The following DOCK3 variants were observed in gnomAD, a reference collection of about 807,000 sequenced individuals.
The protein encoded by DOCK3 is dedicator of cytokinesis 3.
A neutral mutation model predicts 265.6 loss-of-function variants in DOCK3; 60 were observed. The observed-to-expected ratio is 0.23, with a 90% CI of 0.18 to 0.28. The LOEUF is 0.28. Ranked by LOEUF, DOCK3 falls within the 10% of genes least tolerant of loss-of-function variation. DOCK3 has a pLI of 1.00. For missense variants in DOCK3, 1,981 were observed against 2,594.3 expected (o/e 0.76, Z 5.14); for synonymous variants, 881 against 938.0 (o/e 0.94, Z 1.11).
At chr3:50,900,606 G>T (rs866140379) in intron 4 of DOCK3, 1 of 395,428 alleles carries the variant, frequency 2.5e-6, no homozygotes, top group Non-Finnish European at 4.9e-6. Context: ...CCTCATCTTC[G>T]TGGATTTATC....
intron 51 of DOCK3, among the ~76,000 whole-genome samples, chr3:51,378,420 T>G (rs1411421302): frequency 6.6e-6 from 1 of 152,196 alleles, no homozygotes. Context: ...GCTCCTTCCC[T>G]TCCAAAGCCT....
chr3:51,380,768 T>A (rs1273728056), intron 52 of DOCK3, among the ~76,000 whole-genome samples: 2 of 152,124 alleles, frequency 1.3e-5, no homozygotes, highest in African/African-American at 2.4e-5. Flanking sequence ...TATGTCAGTA[T>A]CCCAGAGCCA....
At chr3:51,026,549 TA>T (rs2079832275) in intron 5 of DOCK3, among the ~76,000 whole-genome samples, 1 of 152,010 alleles carries the variant, frequency 6.6e-6, no homozygotes, top group African/African-American at 2.4e-5. Context: ...GTAGTTTCAG[TA>T]TGATTGGTAC....
At position 50,675,151 on chromosome 3, in the gene DOCK3, C is replaced by A. The variant is rs868757328; in HGVS notation, c.-113C>A. Reference sequence around the variant, plus strand: ...GAGGGATGCGCCGCCCACTGCCCCGCGCCGCCTGACCGTCCCCGCCTCGAC... The same window carrying A: ...GAGGGATGCGCCGCCCACTGCCCCGAGCCGCCTGACCGTCCCCGCCTCGAC... On this transcript the variant is annotated 5_prime_UTR_variant, in exon 1 of 53. Coordinates refer to ENST00000266037, the MANE Select transcript of DOCK3 (RefSeq NM_004947.5). The surrounding 1 kb of genome is among the most constrained non-coding windows in gnomAD (Gnocchi z 6.1). The A allele has an allele frequency of 7.8e-5, 60 of 769,024 alleles. No homozygotes were observed. The African/African-American group carries it at 1.0e-3, about 13-fold the overall frequency. The allele number at this position is 769,024 out of a possible 1,614,324, so 47.6% of individuals were successfully genotyped here.
At chr3:50,776,405 A>C (rs200512487) in intron 1 of DOCK3, among the ~76,000 whole-genome samples, 1 of 150,414 alleles carries the variant, frequency 6.6e-6, no homozygotes, top group African/African-American at 2.4e-5. Context: ...TTGCCTATTC[A>C]TGTCCTTTTT....
intron 1 of DOCK3, among the ~76,000 whole-genome samples, chr3:50,752,651 A>G (rs1265056361): frequency 6.6e-6 from 1 of 151,572 alleles, no homozygotes; most frequent in African/African-American, 2.4e-5. Flanking sequence ...TGGTGCACAC[A>G]CCTGTAATCC....
chr3:51,232,118 T>A (rs1262175084), intron 19 of DOCK3, among the ~76,000 whole-genome samples: 1 of 152,206 alleles, frequency 6.6e-6, no homozygotes, highest in Non-Finnish European at 1.5e-5. Context: ...TTTTGCCAAT[T>A]GTTACACTCT....
chr3:51,237,390 A>C lies in DOCK3; in HGVS notation c.2002-100A>C, dbSNP rs572097944. ...TGGGGAATGCTAGAGGACAGCACTG[A>C]CAATTTGCCATTATTTGGAGAAGGA... On this transcript the variant is annotated intron_variant, in intron 20 of 52. Transcript: ENST00000266037. The C allele has an allele frequency of 2.8e-4, 261 of 948,956 alleles. 2 individuals carry two copies. The South Asian group carries it at 3.7e-3, about 14-fold the overall frequency. The allele number at this position is 948,956 out of a possible 1,614,324, so 58.8% of individuals were successfully genotyped here.
intron 5 of DOCK3, among the ~76,000 whole-genome samples, chr3:50,950,944 A>G (rs1339565200): frequency 6.6e-6 from 1 of 151,640 alleles, no homozygotes; most frequent in Non-Finnish European, 1.5e-5. Flanking sequence ...CCAATCTCCA[A>G]AAGAACGGAG....
intron 8 of DOCK3, 35 bp downstream of exon 8, chr3:51,089,319 C>T: frequency 6.3e-7 from 1 of 1,596,362 alleles, no homozygotes; most frequent in South Asian, 1.1e-5. Context: ...AGCCTTTCCC[C>T]TCAACTTTTT....
At chr3:51,355,487 G>A (rs1224425169) in intron 41 of DOCK3, among the ~76,000 whole-genome samples, 1 of 152,172 alleles carries the variant, frequency 6.6e-6, no homozygotes, top group Non-Finnish European at 1.5e-5. Context: ...AAGGATGTGT[G>A]GAGCAGGAGA....
At chr3:50,811,551 T>G (rs2043758211) in intron 2 of DOCK3, among the ~76,000 whole-genome samples, 1 of 152,234 alleles carries the variant, frequency 6.6e-6, no homozygotes. Flanking sequence ...ATGTCTCACA[T>G]ATTCAGATAT....
At chr3:50,963,629 C>T (rs1231643780) in intron 5 of DOCK3, among the ~76,000 whole-genome samples, 1 of 152,176 alleles carries the variant, frequency 6.6e-6, no homozygotes, top group Non-Finnish European at 1.5e-5. Context: ...AGCAACATCA[C>T]AGATAAAATA....
intron 27 of DOCK3, among the ~76,000 whole-genome samples, chr3:51,296,625 C>T (rs538307129): frequency 6.6e-5 from 10 of 151,896 alleles, no homozygotes; most frequent in East Asian, 2.0e-4. Context: ...TACAGGTGCC[C>T]GCCACCATGC....
At chr3:50,752,441 G>A (rs1316400479) in intron 1 of DOCK3, among the ~76,000 whole-genome samples, 3 of 151,546 alleles carry the variant, frequency 2.0e-5, no homozygotes, top group East Asian at 1.9e-4. Flanking sequence ...TCCGGGAGGC[G>A]GAGGTTAGAG....
intron 1 of DOCK3, among the ~76,000 whole-genome samples, chr3:50,720,591 C>T (rs763761170): frequency 5.9e-5 from 9 of 152,182 alleles, no homozygotes; most frequent in African/African-American, 1.7e-4. Context: ...AATAGTGCTG[C>T]GAAGAACATA....
At chr3:51,303,769 A>T (rs1203450139) in intron 27 of DOCK3, among the ~76,000 whole-genome samples, 1 of 152,160 alleles carries the variant, frequency 6.6e-6, no homozygotes, top group East Asian at 1.9e-4. Context: ...AGAACAGCAA[A>T]GATAGCTGCC....
intron 5 of DOCK3, among the ~76,000 whole-genome samples, chr3:51,029,317 C>T (rs1463641771): frequency 1.3e-5 from 2 of 152,146 alleles, no homozygotes; most frequent in East Asian, 3.8e-4. Flanking sequence ...AGCAGGTAGG[C>T]TTTTACTTAG....
intron 5 of DOCK3, among the ~76,000 whole-genome samples, chr3:50,969,291 C>T (rs934661643): frequency 2.6e-5 from 4 of 152,058 alleles, no homozygotes; most frequent in Non-Finnish European, 4.4e-5. Context: ...ATAAATATAG[C>T]CACTTCTGCT....
Sources: gnomAD v4.1 joint callset for allele counts (sites outside exome capture counted in the v4.1 genomes callset) on GRCh38, gnomAD v4.1.1 for gene constraint, Gnocchi (gnomAD v3.1) non-coding constraint, MANE v1.5 for transcripts, NCBI Gene and HGNC (gene_info 2026-07-23, HGNC 2026-07-21) for gene names.